The following FSTL5 variants were observed in gnomAD, a reference collection of about 807,000 sequenced individuals.
FSTL5 encodes the protein follistatin like 5, also known as follistatin-related protein 5.
Under a neutral mutation model 89.1 loss-of-function variants are expected in FSTL5, and 62 were observed. The ratio of observed to expected loss-of-function variants is 0.70; its 90% CI spans 0.57 to 0.86. FSTL5 has a LOEUF of 0.86. FSTL5 is among the 40% of genes least tolerant of loss of function. The pLI is 0.00. For missense variants in FSTL5, 1,057 were observed against 1,001.6 expected (o/e 1.06, Z -0.75); for synonymous variants, 383 against 346.2 (o/e 1.11, Z -1.18).
intron 7 of FSTL5, among the ~76,000 whole-genome samples, chr4:161,612,648 C>T (rs1374852238): frequency 6.6e-6 from 1 of 152,176 alleles, no homozygotes; most frequent in Non-Finnish European, 1.5e-5. Context: ...CAAGTTCCTT[C>T]ATTAGCGTAT....
intron 2 of FSTL5, among the ~76,000 whole-genome samples, chr4:162,044,158 T>C (rs1303558940): frequency 6.6e-6 from 1 of 152,182 alleles, no homozygotes; most frequent in Admixed American, 6.6e-5. Context: ...TCACTGTCTA[T>C]GACAGCTAAA....
chr4:161,419,652 C>T (rs1403354970), intron 15 of FSTL5, among the ~76,000 whole-genome samples: 1 of 152,130 alleles, frequency 6.6e-6, no homozygotes, highest in Non-Finnish European at 1.5e-5. Context: ...CATCTCTGGT[C>T]AAAACTTCCA....
intron 6 of FSTL5, among the ~76,000 whole-genome samples, chr4:161,737,447 AAAG>A (rs1739858763): frequency 6.6e-6 from 1 of 152,042 alleles, no homozygotes; most frequent in Non-Finnish European, 1.5e-5. Context: ...TAGTTGATCT[AAAG>A]AAGATCAACT....
intron 10 of FSTL5, among the ~76,000 whole-genome samples, chr4:161,523,210 A>G (rs1731097185): frequency 6.6e-6 from 1 of 152,226 alleles, no homozygotes; most frequent in Non-Finnish European, 1.5e-5. Context: ...ATAATGTTCT[A>G]TAAGTAAATT....
At chr4:161,999,432 TTA>T (rs1736395050) in intron 3 of FSTL5, among the ~76,000 whole-genome samples, 1 of 152,154 alleles carries the variant, frequency 6.6e-6, no homozygotes, top group Non-Finnish European at 1.5e-5. Flanking sequence ...GAATGTTACT[TTA>T]AACCAATAAT....
At chr4:161,685,849 T>G (rs1737691521) in intron 6 of FSTL5, among the ~76,000 whole-genome samples, 1 of 152,150 alleles carries the variant, frequency 6.6e-6, no homozygotes, top group African/African-American at 2.4e-5. Context: ...GTTTTTGGAA[T>G]GCTTTCAACT....
intron 15 of FSTL5, among the ~76,000 whole-genome samples, chr4:161,444,675 C>G (rs1007029638): frequency 6.6e-6 from 1 of 151,528 alleles, no homozygotes; most frequent in Non-Finnish European, 1.5e-5. Flanking sequence ...TGGTGTAGAT[C>G]TGTTATGAGG....
At position 161,981,180 on chromosome 4, in the gene FSTL5, G is replaced by T. The variant is rs17041820; in HGVS notation, c.160+52445C>A. Among the ~76,000 whole-genome samples, 1,440 of 152,248 alleles carry T rather than the reference G, an allele frequency of 9.5e-3. 19 individuals are homozygous for T. Among genetic ancestry groups the T allele is most frequent in the African/African-American group, 0.032 (1,343 of 41,554 alleles). ...TTGCTGAAAAGTCAGTACAGGAAAA[G>T]ATTTGATGAGACAACCAAATTTCAT... On this transcript the variant is annotated intron_variant, in intron 3 of 15. Coordinates refer to ENST00000306100, the MANE Select transcript of FSTL5 (RefSeq NM_020116.5).
chr4:161,396,973 C>T (rs1195588087), intron 15 of FSTL5, among the ~76,000 whole-genome samples: 1 of 152,082 alleles, frequency 6.6e-6, no homozygotes, highest in Non-Finnish European at 1.5e-5. Context: ...ACTCTCTTTA[C>T]TCTCTTCTAC....
chr4:161,818,427 G>A (rs569520372), intron 4 of FSTL5, among the ~76,000 whole-genome samples: 16 of 152,342 alleles, frequency 1.1e-4, no homozygotes, highest in African/African-American at 3.8e-4. Context: ...AGACAAGGTA[G>A]AGGTTCTAAT....
intron 6 of FSTL5, among the ~76,000 whole-genome samples, chr4:161,666,168 T>C (rs767139658): frequency 8.5e-5 from 13 of 152,086 alleles, no homozygotes; most frequent in Non-Finnish European, 1.9e-4. Flanking sequence ...AAAAATCTTA[T>C]ATTTCAAATA....
chr4:162,000,329 G>A (rs80106981), intron 3 of FSTL5, among the ~76,000 whole-genome samples: 63,511 of 151,910 alleles, frequency 0.42, 13,455 homozygotes, highest in Middle Eastern at 0.57. Flanking sequence ...GGTGGCTCAC[G>A]CCTGTAATCC....
At position 161,940,355 on chromosome 4, in the gene FSTL5, A is replaced by G. The variant is rs1228867443; in HGVS notation, c.161-19703T>C. The stretch of plus-strand genomic sequence containing the variant: ...TAGTCCCAGAAGAGGAGAGAGAAAA[A>G]AAGAAGGAAAATATTTGAAAAATAA... On this transcript the variant is annotated intron_variant, in intron 3 of 15. Transcript: ENST00000306100. 3.3e-5 allele frequency among the ~76,000 whole-genome samples: 5 copies of G among 151,938 alleles called. No individual in the cohort carries two copies. In the East Asian group the frequency reaches 9.7e-4, roughly 29 times the overall value.
At chr4:161,771,717 G>A (rs1741217168) in intron 5 of FSTL5, among the ~76,000 whole-genome samples, 3 of 152,070 alleles carry the variant, frequency 2.0e-5, no homozygotes, top group African/African-American at 7.2e-5. Context: ...TTGATACTAA[G>A]TGTTTTAAAA....
At chr4:162,114,922 T>A (rs113123098) in intron 1 of FSTL5, among the ~76,000 whole-genome samples, 23 of 152,254 alleles carry the variant, frequency 1.5e-4, no homozygotes, top group African/African-American at 5.5e-4. Flanking sequence ...AATACAAAGT[T>A]ATACAAAAAT....
At chr4:161,768,711 A>G (rs1379621503) in intron 5 of FSTL5, among the ~76,000 whole-genome samples, 1 of 151,970 alleles carries the variant, frequency 6.6e-6, no homozygotes, top group Non-Finnish European at 1.5e-5. Context: ...AAGAAGCAAC[A>G]GCGCCTACAT....
intron 8 of FSTL5, among the ~76,000 whole-genome samples, chr4:161,579,093 GA>G (rs1432406198): frequency 1.3e-5 from 2 of 152,078 alleles, no homozygotes; most frequent in African/African-American, 4.8e-5. Flanking sequence ...CTCTCTGAAA[GA>G]TATGTAACTT....
At chr4:161,658,537 G>A (rs1334631847) in intron 6 of FSTL5, among the ~76,000 whole-genome samples, 2 of 151,676 alleles carry the variant, frequency 1.3e-5, no homozygotes, top group African/African-American at 4.8e-5. Context: ...ACATGTCTCT[G>A]TTATATATCA....
intron 4 of FSTL5, among the ~76,000 whole-genome samples, chr4:161,828,599 G>A (rs919774908): frequency 2.6e-5 from 4 of 152,014 alleles, no homozygotes; most frequent in Non-Finnish European, 5.9e-5. Flanking sequence ...TGTCATTGAT[G>A]TTTTAGAGCA....
Sources: gnomAD v4.1 joint callset for allele counts (sites outside exome capture counted in the v4.1 genomes callset) on GRCh38, gnomAD v4.1.1 for gene constraint, MANE v1.5 for transcripts, NCBI Gene and HGNC (gene_info 2026-07-23, HGNC 2026-07-21) for gene names.